The following ACOT7 variants were observed in gnomAD, a reference collection of about 807,000 sequenced individuals.
ACOT7 encodes the protein cytosolic acyl coenzyme A thioester hydrolase.
In ACOT7, 12 loss-of-function variants were observed where a neutral mutation model predicts 40.2. The observed-to-expected ratio is 0.30, with a 90% CI of 0.19 to 0.48. The LOEUF (loss-of-function observed/expected upper bound fraction) is 0.48. Ranked by LOEUF, ACOT7 falls within the 20% of genes least tolerant of loss-of-function variation. ACOT7 has a pLI of 0.99. For missense variants in ACOT7, 395 were observed against 530.8 expected (o/e 0.74, Z 2.51); for synonymous variants, 228 against 219.5 (o/e 1.04, Z -0.34).
chr1:6,282,296 G>C lies in ACOT7; in HGVS notation c.830-1010C>G, dbSNP rs767935137. On this transcript the variant is annotated intron_variant, in intron 7 of 8. Transcript: ENST00000361521. The surrounding 1 kb of genome is among the most constrained non-coding windows in gnomAD (Gnocchi z 4.5). ...CTGGGGGATAGCTACGGGATGGAAG[G>C]ACTCAAGCCAAGAGCTGACCTGGGG... Among the ~76,000 whole-genome samples the C allele has an allele frequency of 2.0e-5, 3 of 152,156 alleles. No individual in the cohort carries two copies. Among genetic ancestry groups the C allele is most frequent in the Non-Finnish European group, 4.4e-5 (3 of 68,028 alleles).
At position 6,275,716 on chromosome 1, in the gene ACOT7, CAAAAAAAAAAAAAA is replaced by C. The variant is rs34990815; in HGVS notation, c.1014+5372_1014+5385del. On this transcript the variant is annotated intron_variant, in intron 8 of 8. Transcript: ENST00000361521. The surrounding 1 kb of genome is among the most constrained non-coding windows in gnomAD (Gnocchi z 5.6). ...TGGGCGACAGAGTGAGGCTCCGTCT[CAAAAAAAAAAAAAA>C]AAAAAAAAAAAGATGGCCGCACCTG... Among the ~76,000 whole-genome samples, 1 of 55,522 alleles carries C rather than the reference CAAAAAAAAAAAAAA, an allele frequency of 1.8e-5. No homozygotes were observed. Among genetic ancestry groups the C allele is most frequent in the South Asian group, 8.0e-4 (1 of 1,252 alleles). 36.4% of individuals were successfully genotyped at this position (55,522 alleles called of 152,430 possible).
intron 1 of ACOT7, among the ~76,000 whole-genome samples, chr1:6,372,116 T>A (rs756752186): frequency 1.1e-4 from 16 of 152,064 alleles, no homozygotes; most frequent in Non-Finnish European, 2.2e-4. Flanking sequence ...TCGGATAACC[T>A]GCTGCAGCTT....
rs956884201 is a variant in ACOT7 at position 6,289,245 on chromosome 1, G to A, written c.829+5619C>T. ...CCCCCGAGTAGCTGGGATTACAGGC[G>A]CCTGCCCCCACGCCCGGCTAATTTT... On this transcript the variant is annotated intron_variant, in intron 7 of 8. Coordinates refer to ENST00000361521, the MANE Select transcript of ACOT7 (RefSeq NM_007274.4). The surrounding 1 kb of genome is among the most constrained non-coding windows in gnomAD (Gnocchi z 4.6). Among the ~76,000 whole-genome samples the A allele has an allele frequency of 1.3e-5, 2 of 152,002 alleles. No individual in the cohort carries two copies. Among genetic ancestry groups the A allele is most frequent in the South Asian group, 2.1e-4 (1 of 4,810 alleles).
At position 6,282,054 on chromosome 1, in the gene ACOT7, T is replaced by C. The variant is rs1200178376; in HGVS notation, c.830-768A>G. On this transcript the variant is annotated intron_variant, in intron 7 of 8. Transcript: ENST00000361521. The surrounding 1 kb of genome is among the most constrained non-coding windows in gnomAD (Gnocchi z 4.5). Reference sequence around the variant, plus strand: ...CCAGTTCCCATACATTGTTCCCATGTCCCTCTCTCCCCCTCAACCCTAACC... The same window carrying C: ...CCAGTTCCCATACATTGTTCCCATGCCCCTCTCTCCCCCTCAACCCTAACC... Among the ~76,000 whole-genome samples, 1 of 147,542 alleles carries C rather than the reference T, an allele frequency of 6.8e-6. No homozygotes were observed. The highest frequency in any genetic ancestry group is 1.5e-5 in the Non-Finnish European group (1 of 67,780).
intron 1 of ACOT7, among the ~76,000 whole-genome samples, chr1:6,370,585 G>A (rs1268348137): frequency 1.3e-5 from 2 of 151,088 alleles, no homozygotes; most frequent in African/African-American, 4.9e-5. Context: ...CGCCTCCCTG[G>A]TTCAAGTGAT....
intron 6 of ACOT7, among the ~76,000 whole-genome samples, chr1:6,300,622 C>T (rs1039599737): frequency 6.9e-6 from 1 of 145,848 alleles, no homozygotes; most frequent in African/African-American, 2.6e-5. Context: ...CCACCCGATC[C>T]TGACGCGTGG....
intron 8 of ACOT7, among the ~76,000 whole-genome samples, chr1:6,265,491 T>C (rs2148358274): frequency 6.6e-6 from 1 of 152,322 alleles, no homozygotes; most frequent in East Asian, 1.9e-4. Context: ...GGACCCCATC[T>C]CATTGGTCTG....
At chr1:6,363,292 G>A (rs372044529) in intron 1 of ACOT7, among the ~76,000 whole-genome samples, 41 of 152,152 alleles carry the variant, frequency 2.7e-4, no homozygotes, top group African/African-American at 8.2e-4. Flanking sequence ...CAGGCAGACC[G>A]TGGTTCCAGC....
chr1:6,272,013 C>T (rs938269107), intron 8 of ACOT7, among the ~76,000 whole-genome samples: 23 of 152,252 alleles, frequency 1.5e-4, no homozygotes, highest in African/African-American at 5.1e-4. Context: ...GCTCTTGTGC[C>T]GGAGTGTGGA....
In ACOT7 at chr1:6,358,942, T is replaced by C. The variant is rs1641825317; in HGVS notation, c.144-9076A>G. Reference sequence around the variant, plus strand: ...CTGACCCAGGACTGTCCCAGCTCCCTGCCACACCGGGCTTGGTGGGGAGCA... The same window carrying C: ...CTGACCCAGGACTGTCCCAGCTCCCCGCCACACCGGGCTTGGTGGGGAGCA... On this transcript the variant is annotated intron_variant, in intron 1 of 8. Coordinates refer to ENST00000361521, the MANE Select transcript of ACOT7 (RefSeq NM_007274.4). The surrounding 1 kb of genome is among the most constrained non-coding windows in gnomAD (Gnocchi z 4.1). 4.6e-6 allele frequency: 7 copies of C among 1,532,660 alleles called. No individual in the cohort carries two copies. The highest frequency in any genetic ancestry group is 5.3e-6 in the Non-Finnish European group (6 of 1,134,964). 94.9% of individuals were successfully genotyped at this position (1,532,660 alleles called of 1,614,324 possible). A position where few individuals can be genotyped will look rare whatever the true frequency, so the allele number is the denominator to read the frequency against.
chr1:6,300,488 C>T (rs905237025), intron 6 of ACOT7, among the ~76,000 whole-genome samples: 1 of 151,724 alleles, frequency 6.6e-6, no homozygotes, highest in African/African-American at 2.4e-5. Flanking sequence ...GGAATCTCAC[C>T]GGACCCCACC....
intron 1 of ACOT7, among the ~76,000 whole-genome samples, chr1:6,368,856 C>A (rs1642071961): frequency 6.6e-6 from 1 of 152,222 alleles, no homozygotes; most frequent in African/African-American, 2.4e-5. Flanking sequence ...CCTGCCACCA[C>A]TGCTTGCACC....
At chr1:6,364,519 T>G (rs1641958058) in intron 1 of ACOT7, among the ~76,000 whole-genome samples, 2 of 113,298 alleles carry the variant, frequency 1.8e-5, no homozygotes, top group African/African-American at 3.6e-5. Context: ...CCAGCCAGGG[T>G]GACAGAGCAA....
intron 5 of ACOT7, among the ~76,000 whole-genome samples, chr1:6,326,627 T>C (rs983859843): frequency 3.3e-5 from 5 of 150,688 alleles, no homozygotes; most frequent in African/African-American, 9.7e-5. Context: ...GGAAATCCCA[T>C]CAAGAACAAG....
rs934333647 is a variant in ACOT7 at position 6,278,380 on chromosome 1, A to G, written c.1014+2722T>C. ...GTCACATTGAGAGCACCAGGAACAG[A>G]GGAAGGAGCAGCTGAGGACTGAGCA... On this transcript the variant is annotated intron_variant, in intron 8 of 8. Transcript: ENST00000361521. This position sits in a 1 kb window ranked among gnomAD's most constrained non-coding sequence, Gnocchi z 4.1. Among the ~76,000 whole-genome samples, 1 of 152,088 alleles carries G rather than the reference A, an allele frequency of 6.6e-6. No individual in the cohort carries two copies. The highest frequency in any genetic ancestry group is 6.6e-5 in the Admixed American group (1 of 15,262).
In ACOT7 at chr1:6,317,482, T is replaced by A. The variant is rs1287334442; in HGVS notation, c.712+1010A>T. ...AAGGCCTGTGTTGTTTGAGAAGAGA[T>A]CTGTACTTACTGGGAAAAAATAAAT... On this transcript the variant is annotated intron_variant, in intron 6 of 8. Transcript: ENST00000361521. Among the ~76,000 whole-genome samples the A allele has an allele frequency of 5.3e-5, 8 of 152,260 alleles. No individual in the cohort carries two copies. The South Asian group carries it at 1.5e-3, about 28-fold the overall frequency.
intron 7 of ACOT7, among the ~76,000 whole-genome samples, chr1:6,283,372 G>C (rs1639408678): frequency 6.6e-6 from 1 of 152,130 alleles, no homozygotes; most frequent in Non-Finnish European, 1.5e-5. Context: ...TTGTTGACCA[G>C]GCTGGTCTAG....
chr1:6,355,471 A>G lies in ACOT7; in HGVS notation c.144-5605T>C, dbSNP rs1277230949. On this transcript the variant is annotated intron_variant, in intron 1 of 8. Transcript: ENST00000361521. This position sits in a 1 kb window ranked among gnomAD's most constrained non-coding sequence, Gnocchi z 5.0. ...TTGCACGAGGAGGAGGAACCTTCTC[A>G]GAGACCAGCTGTCAGGTGAAAAACA... Among the ~76,000 whole-genome samples, 1 of 152,200 alleles carries G rather than the reference A, an allele frequency of 6.6e-6. No homozygotes were observed. Among genetic ancestry groups the G allele is most frequent in the Non-Finnish European group, 1.5e-5 (1 of 68,034 alleles).
intron 1 of ACOT7, among the ~76,000 whole-genome samples, chr1:6,391,941 CT>C (rs797015712): frequency 1.6e-3 from 229 of 144,442 alleles, no homozygotes; most frequent in East Asian, 2.0e-3. Context: ...CAGTTATTTC[CT>C]TTTTTTTTTT....
Sources: gnomAD v4.1 joint callset for allele counts (sites outside exome capture counted in the v4.1 genomes callset) on GRCh38, gnomAD v4.1.1 for gene constraint, Gnocchi (gnomAD v3.1) non-coding constraint, MANE v1.5 for transcripts, NCBI Gene and HGNC (gene_info 2026-07-23, HGNC 2026-07-21) for gene names.